The following KNDC1 variants were observed in gnomAD, a reference collection of about 807,000 sequenced individuals.
The protein encoded by KNDC1 is kinase non-catalytic C-lobe domain containing 1, also known as kinase non-catalytic C-lobe domain-containing protein 1.
A neutral mutation model predicts 172.8 loss-of-function variants in KNDC1; 106 were observed. The observed-to-expected ratio is 0.61, with a 90% CI of 0.52 to 0.72. The LOEUF is 0.72. Among genes scored for constraint, KNDC1 ranks in the 30% least tolerant of loss-of-function variants. The pLI is 0.00. For synonymous variants in KNDC1, 1,083 were observed against 1,062.2 expected (o/e 1.02, Z -0.38); for missense variants, 2,325 against 2,394.5 (o/e 0.97, Z 0.61).
At chr10:133,184,292 A>G (rs1202534742) in intron 5 of KNDC1, among the ~76,000 whole-genome samples, 1 of 121,504 alleles carries the variant, frequency 8.2e-6, no homozygotes, top group Non-Finnish European at 1.9e-5. Flanking sequence ...CGCTGCACAC[A>G]CACCCATGCA....
chr10:133,206,597 G>A, intron 17 of KNDC1, 88 bp from the exon 18 acceptor site: 1 of 1,055,164 alleles, frequency 9.5e-7, no homozygotes, highest in Non-Finnish European at 1.5e-6. Flanking sequence ...CAAGGCCAAG[G>A]AGGCCCCAGT....
Position 133,183,882 on chromosome 10 carries a change from C to T in KNDC1, c.518C>T (p.Ala173Val), listed in dbSNP as rs1853799180. The T allele has an allele frequency of 3.8e-6, 6 of 1,591,688 alleles. No homozygotes were observed. In the East Asian group the frequency reaches 1.1e-4, roughly 30 times the overall value. ...TGTTCCCGTCCCCAGAGCATCATCG[C>T]GCTGTGTGAAGAGAAGCTGCAGCTC... ...GDRPDLESIIALCEEKLQLTS... is the reference protein window; with the variant it reads ...GDRPDLESIIVLCEEKLQLTS... Residue 173 changes from alanine to valine, a missense_variant, in exon 5 of 30, where the codon GCG becomes GTG. Physicochemically the swap from Ala to Val is moderately conservative, Grantham distance 64. Transcript: ENST00000304613.
At chr10:133,215,900 G>A (rs188998280) in intron 26 of KNDC1, among the ~76,000 whole-genome samples, 100 of 152,368 alleles carry the variant, frequency 6.6e-4, no homozygotes, top group African/African-American at 2.2e-3. Flanking sequence ...CCACATCCCC[G>A]TTAGCAAAAG....
intron 3 of KNDC1, among the ~76,000 whole-genome samples, chr10:133,177,194 GTGTA>G (rs1238911424): frequency 1.3e-4 from 18 of 139,814 alleles, no homozygotes; most frequent in Admixed American, 2.2e-4. Context: ...TCATGTGCAC[GTGTA>G]TGTAGTATAG....
rs570069439 is a variant in KNDC1, at chr10:133,186,360, T to C, written c.1012T>C (p.Ser338Pro). Residue 338 changes from serine to proline, a missense_variant, in exon 6 of 30, where the codon TCT becomes CCT. Coordinates refer to ENST00000304613, the MANE Select transcript of KNDC1 (RefSeq NM_152643.8). ...CCAGCTGCCCATATCGGAATTATTC[T>C]CTCCGGACCCCAGGAAGGCCTTTCT... The part of the protein sequence containing the change: ...KSQLPISELF[S>P]PDPRKAFLDR... 1.2e-6 allele frequency: 2 copies of C among 1,612,694 alleles called. No homozygotes were observed. The highest frequency in any genetic ancestry group is 2.7e-5 in the African/African-American group (2 of 75,030).
chr10:133,186,910 C>T (rs1439401817), intron 6 of KNDC1, among the ~76,000 whole-genome samples: 1 of 152,156 alleles, frequency 6.6e-6, no homozygotes, highest in South Asian at 2.1e-4. Context: ...CTGGATGACC[C>T]AGAAAGCAGC....
chr10:133,189,173 G>A (rs1201680686), intron 7 of KNDC1, among the ~76,000 whole-genome samples: 2 of 152,178 alleles, frequency 1.3e-5, no homozygotes, highest in African/African-American at 2.4e-5. Flanking sequence ...CGTCCTGGGG[G>A]TGATGAGGGC....
rs2135984296 is a variant in KNDC1 at position 133,189,781 on chromosome 10, G to A, written c.1543G>A (p.Glu515Lys). The change falls in exon 9 of 30, where the codon GAG (glutamate) becomes AAG (lysine). Residue 515 changes from glutamate to lysine, a missense_variant. By Grantham distance (56) the Glu-to-Lys change is moderately conservative. Transcript: ENST00000304613. ...GSYDSFFLAP[E>K]LAEERLVTEK... ...CTATGACTCGTTCTTTCTGGCTCCC[G>A]AGCTGGCAGAGGAGAGGCTGGTAAC... is the stretch of plus-strand genomic sequence containing the variant. 1.2e-5 allele frequency: 19 copies of A among 1,613,970 alleles called. No individual in the cohort carries two copies. The highest frequency in any genetic ancestry group is 1.6e-5 in the Non-Finnish European group (19 of 1,180,000).
chr10:133,210,813 C>A, intron 21 of KNDC1, 89 bp downstream of exon 21: 1 of 1,107,250 alleles, frequency 9.0e-7, no homozygotes, highest in Non-Finnish European at 1.4e-6. Context: ...CCATGAAGAA[C>A]GAGGTGGTCC....
At chr10:133,194,294 A>G (rs1854130501) in intron 9 of KNDC1, among the ~76,000 whole-genome samples, 1 of 152,266 alleles carries the variant, frequency 6.6e-6, no homozygotes, top group South Asian at 2.1e-4. Context: ...AACACATTCT[A>G]AATACTCTAT....
intron 26 of KNDC1, among the ~76,000 whole-genome samples, chr10:133,218,074 AAAG>A (rs1255293215): frequency 1.3e-5 from 2 of 151,912 alleles, no homozygotes; most frequent in Admixed American, 6.5e-5. Flanking sequence ...AAAAAAAAAA[AAAG>A]AGTCGATCCG....
rs1254833659 is a variant in KNDC1 at position 133,198,454 on chromosome 10, C to T, written c.2024C>T (p.Thr675Met). 23 of 1,605,666 alleles carry T rather than the reference C, an allele frequency of 1.4e-5. No individual in the cohort carries two copies. The highest frequency in any genetic ancestry group is 3.3e-5 in the South Asian group (3 of 89,616). Residue 675 changes from threonine to methionine, a missense_variant, in exon 13 of 30, where the codon ACG becomes ATG. Physicochemically the swap from Thr to Met is moderately conservative, Grantham distance 81. Transcript: ENST00000304613. ...QLPAAFTSEA[T>M]HFKPIVLAQN... ...CCTGCAGCGTTCACCTCCGAGGCCA[C>T]GCACTTCAAGCCCATTGTCCTCGCG...
chr10:133,214,774 C>T (rs1351598948), intron 26 of KNDC1, among the ~76,000 whole-genome samples: 1 of 152,246 alleles, frequency 6.6e-6, no homozygotes, highest in African/African-American at 2.4e-5. Context: ...CTTCTAGGTC[C>T]TGTGGGGCTT....
Position 133,167,712 on chromosome 10 carries a change from T to C in KNDC1, c.301+133T>C, listed in dbSNP as rs1265392927. On this transcript the variant is annotated intron_variant, in intron 2 of 29. Transcript: ENST00000304613. ...CGGACCCGGGTTTCCTGTGGAGACC[T>C]TCTCTTCCTTGGGAGGGACTCAGGC... 6.0e-6 allele frequency: 6 copies of C among 1,002,230 alleles called. No individual in the cohort carries two copies. The South Asian group carries it at 9.2e-5, about 15-fold the overall frequency. The allele number at this position is 1,002,230 out of a possible 1,614,324, so 62.1% of individuals were successfully genotyped here.
intron 1 of KNDC1, among the ~76,000 whole-genome samples, chr10:133,166,463 CTG>C (rs1446831785): frequency 1.3e-5 from 2 of 151,826 alleles, no homozygotes; most frequent in African/African-American, 4.8e-5. Context: ...GTGTGCATGT[CTG>C]TGCGTGCATA....
chr10:133,160,667 TC>T, intron 1 of KNDC1, 98 bp downstream of exon 1: 3 of 722,952 alleles, frequency 4.1e-6, no homozygotes, highest in Non-Finnish European at 6.4e-6. Context: ...AGCTCCCGCC[TC>T]CCCAGGCGCC....
At position 133,224,844 on chromosome 10, in the gene KNDC1, G is replaced by T. The variant is rs775153063; in HGVS notation, c.5204G>T (p.Arg1735Leu). ...FHQVSSEKHS[R>L]KIQDKLRRMK... ...CAGGTCTCCAGCGAGAAGCACTCAC[G>T]GAAGATTCAGGACAAGCTACGGAGG... The change falls in exon 30 of 30, where the codon CGG becomes CTG. Residue 1735 changes from arginine to leucine, a missense_variant. Arg to Leu is a moderately radical substitution (Grantham distance 102, BLOSUM62 -2). Transcript: ENST00000304613. This position sits in a 1 kb window ranked among gnomAD's most constrained non-coding sequence, Gnocchi z 5.4. 1 of 1,614,032 alleles carries T rather than the reference G, an allele frequency of 6.2e-7. No individual in the cohort carries two copies. Among genetic ancestry groups the T allele is most frequent in the Non-Finnish European group, 8.5e-7 (1 of 1,180,018 alleles).
At chr10:133,172,640 C>T (rs570954095) in intron 3 of KNDC1, among the ~76,000 whole-genome samples, 92 of 152,296 alleles carry the variant, frequency 6.0e-4, no homozygotes, top group African/African-American at 2.1e-3. Context: ...TGGTAAAACT[C>T]ACTTACAGGG....
At position 133,224,641 on chromosome 10, in the gene KNDC1, T is replaced by C. The variant is rs1482859107; in HGVS notation, c.5019-18T>C. The C allele has an allele frequency of 6.2e-7, 1 of 1,609,106 alleles. No homozygotes were observed. The highest frequency in any genetic ancestry group is 1.1e-5 in the South Asian group (1 of 90,976). On this transcript the variant is annotated intron_variant, in intron 29 of 29. Coordinates refer to ENST00000304613, the MANE Select transcript of KNDC1 (RefSeq NM_152643.8). This position sits in a 1 kb window ranked among gnomAD's most constrained non-coding sequence, Gnocchi z 5.4. Reference sequence around the variant, plus strand: ...CCTGCCCTGTGCAAACTAACGTCTCTTCTTTCCTCAACGGAAGGAACATCG... The same window carrying C: ...CCTGCCCTGTGCAAACTAACGTCTCCTCTTTCCTCAACGGAAGGAACATCG...
Sources: allele counts gnomAD v4.1 joint callset (sites outside exome capture counted in the v4.1 genomes callset), GRCh38; gene constraint gnomAD v4.1.1; non-coding constraint Gnocchi (gnomAD v3.1); transcripts MANE v1.5; gene names NCBI Gene and HGNC (gene_info 2026-07-23, HGNC 2026-07-21).